PCDHA9: variants seen among roughly 807,000 people sequenced by gnomAD.
PCDHA9 encodes protocadherin alpha-9.
Under a neutral mutation model 62.0 loss-of-function variants are expected in PCDHA9, and 62 were observed. The ratio of observed to expected loss-of-function variants is 1.00; its 90% CI spans 0.81 to 1.23. PCDHA9 has a LOEUF of 1.23. Among genes scored for constraint, PCDHA9 ranks in the 50% most tolerant of loss-of-function variants. The probability of loss-of-function intolerance (pLI) is 0.00; values close to 1 mark genes in which losing one functional copy is unlikely to be tolerated. For missense variants in PCDHA9, 1,205 were observed against 1,249.8 expected (o/e 0.96, Z 0.54); for synonymous variants, 557 against 567.6 (o/e 0.98, Z 0.27).
chr5:140,913,659 A>T (rs1414002446), intron 1 of PCDHA9, among the ~76,000 whole-genome samples: 2 of 152,044 alleles, frequency 1.3e-5, no homozygotes, highest in Non-Finnish European at 2.9e-5. Flanking sequence ...TTTAAGATGT[A>T]TAGTTAGGTT....
chr5:140,976,685 T>TTGC (rs1279936534), intron 1 of PCDHA9, among the ~76,000 whole-genome samples: 2 of 152,238 alleles, frequency 1.3e-5, no homozygotes, highest in East Asian at 3.8e-4. Flanking sequence ...TTTTGCAATT[T>TTGC]AAGTACAATA....
rs559337177 is a variant in PCDHA9 at position 140,853,682 on chromosome 5, A to G, written c.2394+2793A>G. On this transcript the variant is annotated intron_variant, in intron 1 of 3. Transcript: ENST00000532602. ...ACAAATTGGGGCCTATGGTCAACCT[A>G]TCCTTAGACCTGCTAACGCATTAGC... 95 of 988,426 alleles carry G rather than the reference A, an allele frequency of 9.6e-5. 12 individuals are homozygous for G. The highest frequency in any genetic ancestry group is 1.1e-4 in the Non-Finnish European group (93 of 820,328). The allele number at this position is 988,426 out of a possible 1,614,324, so 61.2% of individuals were successfully genotyped here.
intron 1 of PCDHA9, among the ~76,000 whole-genome samples, chr5:140,948,132 C>G (rs1397250622): frequency 1.3e-5 from 2 of 151,526 alleles, no homozygotes; most frequent in African/African-American, 4.8e-5. Context: ...TTGGATTACA[C>G]TAATTGATTT....
intron 1 of PCDHA9, among the ~76,000 whole-genome samples, chr5:140,951,465 C>G (rs1304466995): frequency 1.3e-5 from 2 of 151,966 alleles, no homozygotes; most frequent in Non-Finnish European, 2.9e-5. Context: ...TGCTTGGCTT[C>G]TGGGGAGCCT....
chr5:140,876,456 TTCC>T, intron 1 of PCDHA9: 1 of 1,614,050 alleles, frequency 6.2e-7, no homozygotes, highest in Non-Finnish European at 8.5e-7. Flanking sequence ...AAGGGATTCC[TTCC>T]ATGGCAGGTC....
chr5:140,932,824 G>A (rs1484280278), intron 1 of PCDHA9, among the ~76,000 whole-genome samples: 4 of 151,902 alleles, frequency 2.6e-5, no homozygotes, highest in Admixed American at 6.6e-5. Context: ...AAGTGGGAAA[G>A]TATTGACAAT....
chr5:140,848,693 G>C lies in PCDHA9; in HGVS notation c.198G>C (p.Leu66Phe). 1 of 1,592,386 alleles carries C rather than the reference G, an allele frequency of 6.3e-7. No homozygotes were observed. The highest frequency in any genetic ancestry group is 8.6e-7 in the Non-Finnish European group (1 of 1,163,320). ...LAELVPRLFQLDSKGRGDLLE... is the reference protein window; with the variant it reads ...LAELVPRLFQFDSKGRGDLLE... ...AGCTGGTGCCGCGCCTGTTCCAGTTGGATTCCAAAGGCCGCGGGGACCTTC... is the reference window on the plus strand; with the variant it reads ...AGCTGGTGCCGCGCCTGTTCCAGTTCGATTCCAAAGGCCGCGGGGACCTTC... The change falls in exon 1 of 4, where the codon TTG (leucine) becomes TTC (phenylalanine). Residue 66 changes from leucine to phenylalanine, a missense_variant. This residue lies in a region of PCDHA9 where 208 missense variants were observed against 213.2 expected (regional missense o/e 0.98). Transcript: ENST00000532602.
chr5:140,963,021 G>A (rs2095729854), intron 1 of PCDHA9, among the ~76,000 whole-genome samples: 1 of 152,150 alleles, frequency 6.6e-6, no homozygotes, highest in Non-Finnish European at 1.5e-5. Flanking sequence ...AGAAAATGAA[G>A]CAATTAACAT....
At chr5:140,857,839 C>A in intron 1 of PCDHA9, 1 of 1,597,776 alleles carries the variant, frequency 6.3e-7, no homozygotes, top group South Asian at 1.1e-5. Flanking sequence ...GCGCAGTGGA[C>A]GCTGACTCTG....
chr5:140,871,594 A>G (rs1278020366), intron 1 of PCDHA9: 2 of 1,456,310 alleles, frequency 1.4e-6, no homozygotes, highest in Non-Finnish European at 1.8e-6. Context: ...TTTATGAATA[A>G]CCAGTGTTTT....
rs200253752 is a variant in PCDHA9, at chr5:140,890,259, T to TA, written c.2394+39370_2394+39371insA. ...TTTACCAGTACACTACTGCACCTGA[T>TA]TGCAAGCAAGAACCACTCAGTTGAG... On this transcript the variant is annotated intron_variant, in intron 1 of 3. Coordinates refer to ENST00000532602, the MANE Select transcript of PCDHA9 (RefSeq NM_031857.2). Among the ~76,000 whole-genome samples the TA allele has an allele frequency of 8.0e-3, 1,219 of 152,258 alleles. 6 individuals carry two copies. Among genetic ancestry groups the TA allele is most frequent in the African/African-American group, 0.019 (787 of 41,546 alleles).
chr5:140,886,841 A>G lies in PCDHA9; in HGVS notation c.2394+35952A>G, dbSNP rs11748230. ...GACTTCGTCTTGAAAAAAAAAAAAA[A>G]AAAAAAGAAAGGTCTTCCCAACTCC... is the stretch of plus-strand genomic sequence containing the variant. On this transcript the variant is annotated intron_variant, in intron 1 of 3. Transcript: ENST00000532602. Among the ~76,000 whole-genome samples the G allele has an allele frequency of 9.0e-3, 1,368 of 151,662 alleles. 8 individuals are homozygous for G. Among genetic ancestry groups the G allele is most frequent in the Non-Finnish European group, 0.016 (1,078 of 67,864 alleles).
intron 1 of PCDHA9, chr5:140,863,574 T>C (rs1162134770): frequency 2.7e-6 from 1 of 367,398 alleles, no homozygotes; most frequent in Non-Finnish European, 5.3e-6. Flanking sequence ...ATATAAGTAC[T>C]GTAATCCTGG....
chr5:140,852,162 G>A (rs1421376146), intron 1 of PCDHA9: 3 of 836,824 alleles, frequency 3.6e-6, no homozygotes, highest in Non-Finnish European at 4.4e-6. Flanking sequence ...CTTGAGAATA[G>A]AGCCACAAAA....
chr5:140,877,014 C>T, intron 1 of PCDHA9: 4 of 1,612,440 alleles, frequency 2.5e-6, no homozygotes, highest in Non-Finnish European at 2.5e-6. Flanking sequence ...ACGCGGAGAG[C>T]GGCAAGGTGT....
intron 1 of PCDHA9, chr5:140,858,606 T>A: frequency 8.0e-7 from 1 of 1,257,634 alleles, no homozygotes; most frequent in Non-Finnish European, 1.1e-6. Flanking sequence ...GTTTTAAAAT[T>A]TTTTTATCCT....
intron 1 of PCDHA9, among the ~76,000 whole-genome samples, chr5:140,874,303 C>T (rs1299985366): frequency 6.6e-6 from 1 of 152,088 alleles, no homozygotes. Flanking sequence ...TACTTGTTCA[C>T]AATGAGTTGT....
In PCDHA9 at chr5:140,870,953, C is replaced by T. The variant is rs782232980; in HGVS notation, c.2394+20064C>T. The T allele has an allele frequency of 3.2e-5, 51 of 1,613,668 alleles. No homozygotes were observed. In the East Asian group the frequency reaches 1.0e-3, roughly 32 times the overall value. ...GAATTGCAGCCGGCGGCGGGCGGCT[C>T]GCGCATCCCGTTCCGCGTGGGGCTG... On this transcript the variant is annotated intron_variant, in intron 1 of 3. Transcript: ENST00000532602.
At chr5:140,966,796 G>A (rs1255615650) in intron 1 of PCDHA9, 8 of 1,535,610 alleles carry the variant, frequency 5.2e-6, no homozygotes, top group African/African-American at 1.4e-5. Flanking sequence ...GACCTGCGGC[G>A]ACAGAGCATC....
Sources: allele counts gnomAD v4.1 joint callset (sites outside exome capture counted in the v4.1 genomes callset), GRCh38; gene constraint gnomAD v4.1.1; regional missense constraint gnomAD v4.1.1; transcripts MANE v1.5; gene names NCBI Gene and HGNC (gene_info 2026-07-23, HGNC 2026-07-21).